Variants in QRICH1 observed in about 807,000 individuals in gnomAD.
QRICH1 encodes glutamine rich 1, also known as transcriptional regulator QRICH1.
In QRICH1, 16 loss-of-function variants were observed where a neutral mutation model predicts 87.1. The ratio of observed to expected loss-of-function variants is 0.18; its 90% confidence interval spans 0.12 to 0.28. The LOEUF (loss-of-function observed/expected upper bound fraction) is 0.28, where lower values mean the gene tolerates loss of function less well. Ranked by LOEUF, QRICH1 falls within the 10% of genes least tolerant of loss-of-function variation. QRICH1 has a pLI of 1.00. For synonymous variants in QRICH1, 367 were observed against 368.4 expected, an observed-to-expected ratio of 1.00 and a Z score of 0.05; for missense variants, 647 against 951.7, an observed-to-expected ratio of 0.68 and a Z score of 4.21.
chr3:49,033,032 T>G (rs1262559423), intron 7 of QRICH1, 88 bp downstream of exon 7: 8 of 1,116,080 alleles, frequency 7.2e-6, no homozygotes, highest in Non-Finnish European at 1.0e-5. Context: ...TTCTCAAATA[T>G]ATGTCAGAGG....
intron 2 of QRICH1, 140 bp downstream of exon 2, chr3:49,076,569 C>T: frequency 1.2e-6 from 1 of 801,490 alleles, no homozygotes; most frequent in Non-Finnish European, 1.8e-6. Context: ...AAAGAAAAAA[C>T]TTTTAGTCCA....
intron 6 of QRICH1, among the ~76,000 whole-genome samples, chr3:49,034,009 C>CA (rs936087536): frequency 3.1e-4 from 47 of 149,880 alleles, no homozygotes; most frequent in Middle Eastern, 3.4e-3. Context: ...AACAAAAAAA[C>CA]AAAAAAAACA....
intron 3 of QRICH1, among the ~76,000 whole-genome samples, chr3:49,056,241 T>C (rs1254202201): frequency 6.6e-6 from 1 of 152,176 alleles, no homozygotes; most frequent in East Asian, 1.9e-4. Flanking sequence ...CCCAAAGTGC[T>C]GGGATTACAG....
chr3:49,030,674 C>A, intron 9 of QRICH1, 30 bp from the exon 10 acceptor site: 1 of 1,503,330 alleles, frequency 6.7e-7, no homozygotes, highest in Non-Finnish European at 9.0e-7. Context: ...AAGTTGGGTA[C>A]CACCAATATA....
At chr3:49,085,559 A>C (rs1161914179) in intron 1 of QRICH1, among the ~76,000 whole-genome samples, 1 of 152,090 alleles carries the variant, frequency 6.6e-6, no homozygotes, top group Admixed American at 6.6e-5. Context: ...GTTTGAGACC[A>C]GCCTGACCAA....
intron 2 of QRICH1, among the ~76,000 whole-genome samples, chr3:49,059,619 C>G (rs917083113): frequency 6.7e-6 from 1 of 149,854 alleles, no homozygotes; most frequent in Non-Finnish European, 1.5e-5. Flanking sequence ...GAGGTTTCAC[C>G]ATGTTGGTTG....
rs560969841 is a variant in QRICH1 at position 49,084,959 on chromosome 3, G to C, written c.-21-7921C>G. ...AGATCGAGACCATCCTGGCTATCAC[G>C]GTGAAACCCCGTCTCTACTAAAAAT... On this transcript the variant is annotated intron_variant, in intron 1 of 9. Transcript: ENST00000395443. Among the ~76,000 whole-genome samples, 12 of 151,770 alleles carry C rather than the reference G, an allele frequency of 7.9e-5. No homozygotes were observed. In the East Asian group the frequency reaches 2.1e-3, roughly 27 times the overall value.
intron 6 of QRICH1, among the ~76,000 whole-genome samples, chr3:49,037,237 A>AAAAAC (rs370188374): frequency 6.6e-6 from 1 of 152,206 alleles, no homozygotes; most frequent in Non-Finnish European, 1.5e-5. Flanking sequence ...TAATCTTGCC[A>AAAAAC]AAAACAAAAC....
chr3:49,069,696 T>C (rs2093489852), intron 2 of QRICH1, among the ~76,000 whole-genome samples: 1 of 151,776 alleles, frequency 6.6e-6, no homozygotes, highest in South Asian at 2.1e-4. Context: ...CCCAGGCTGG[T>C]CTTGAATTCC....
chr3:49,036,944 C>T (rs1208119418), intron 6 of QRICH1, among the ~76,000 whole-genome samples: 1 of 151,706 alleles, frequency 6.6e-6, no homozygotes, highest in Non-Finnish European at 1.5e-5. Flanking sequence ...GTGCCTATGG[C>T]CCCCAGCTAC....
intron 2 of QRICH1, among the ~76,000 whole-genome samples, chr3:49,067,703 A>G (rs7432989): frequency 0.68 from 102,865 of 151,848 alleles, 35,322 homozygotes; most frequent in East Asian, 0.96. Flanking sequence ...GCAAAAGGCC[A>G]GGCGCGGTGG....
intron 2 of QRICH1, 102 bp downstream of exon 2, chr3:49,076,607 A>G: frequency 1.8e-6 from 2 of 1,117,620 alleles, no homozygotes; most frequent in Non-Finnish European, 2.4e-6. Context: ...TTAGTGTTAA[A>G]TAACCTATAA....
chr3:49,050,215 A>G, intron 3 of QRICH1, among the ~76,000 whole-genome samples: 1 of 129,434 alleles, frequency 7.7e-6, no homozygotes, highest in South Asian at 2.5e-4. Flanking sequence ...TGCCACTGCA[A>G]TCCGGCCTGG....
intron 6 of QRICH1, among the ~76,000 whole-genome samples, chr3:49,033,981 C>A (rs1167137473): frequency 6.7e-6 from 1 of 150,038 alleles, no homozygotes. Context: ...AGCGAGACTC[C>A]CATCTCAAAA....
At chr3:49,077,453 T>C (rs2041972165) in intron 1 of QRICH1, among the ~76,000 whole-genome samples, 1 of 152,160 alleles carries the variant, frequency 6.6e-6, no homozygotes, top group African/African-American at 2.4e-5. Flanking sequence ...TATGGATATG[T>C]TTTATTTCCA....
In QRICH1 at chr3:49,057,861, T is replaced by C. The variant is rs369926330; in HGVS notation, c.339A>G (p.Gln113=). The change falls in exon 3 of 10, where the codon CAA becomes CAG. Residue 113 remains glutamine, a synonymous_variant. Transcript: ENST00000395443. This position sits in a 1 kb window ranked among gnomAD's most constrained non-coding sequence, Gnocchi z 5.4. ...QVQVQVQQSP[Q]QVSAQLSPQL... is the part of the protein sequence containing the mutation. ...GTGGGGAGAGCTGAGCCGAGACCTG[T>C]TGCGGAGACTGCTGTACCTGCACCT... is the stretch of plus-strand genomic sequence containing the variant. 6.8e-6 allele frequency: 11 copies of C among 1,613,886 alleles called. No homozygotes were observed. The highest frequency in any genetic ancestry group is 6.7e-5 in the Admixed American group (4 of 59,970).
intron 2 of QRICH1, among the ~76,000 whole-genome samples, chr3:49,063,107 T>G (rs756656834): frequency 6.6e-6 from 1 of 152,186 alleles, no homozygotes; most frequent in Non-Finnish European, 1.5e-5. Flanking sequence ...AACAGTTTCT[T>G]TAGGTACAGT....
At chr3:49,032,837 C>A in intron 7 of QRICH1, 64 bp from the exon 8 acceptor site, 1 of 1,533,080 alleles carries the variant, frequency 6.5e-7, no homozygotes. Context: ...GACTCATCCT[C>A]TGCCCACTGG....
At chr3:49,035,370 C>T (rs1348191633) in intron 6 of QRICH1, among the ~76,000 whole-genome samples, 1 of 152,088 alleles carries the variant, frequency 6.6e-6, no homozygotes, top group African/African-American at 2.4e-5. Context: ...CCATGCCTGG[C>T]CTTCCTTTTC....
Sources: allele counts gnomAD v4.1 joint callset (sites outside exome capture counted in the v4.1 genomes callset), GRCh38; gene constraint gnomAD v4.1.1; non-coding constraint Gnocchi (gnomAD v3.1); transcripts MANE v1.5; gene names NCBI Gene and HGNC (gene_info 2026-07-23, HGNC 2026-07-21).